Variants in BMP6 observed in about 807,000 individuals in gnomAD.
BMP6 encodes VG-1-R.
A neutral mutation model predicts 54.1 loss-of-function variants in BMP6; 17 were observed. The observed-to-expected ratio is 0.31, with a 90% CI of 0.22 to 0.47. The LOEUF is 0.47. BMP6 is among the 20% of genes least tolerant of loss of function. The pLI is 1.00. For synonymous variants in BMP6, 328 were observed against 291.2 expected, an observed-to-expected ratio of 1.13 and a Z score of -1.28; for missense variants, 720 against 690.4, an observed-to-expected ratio of 1.04 and a Z score of -0.48.
intron 1 of BMP6, among the ~76,000 whole-genome samples, chr6:7,784,466 C>T (rs1280183516): frequency 2.0e-5 from 3 of 151,924 alleles, no homozygotes; most frequent in Non-Finnish European, 4.4e-5. Context: ...AGTGTGTGTT[C>T]GGATCACGTG....
chr6:7,835,587 G>A lies in BMP6; in HGVS notation c.665-9553G>A, dbSNP rs187227641. Among the ~76,000 whole-genome samples, 12 of 152,310 alleles carry A rather than the reference G, an allele frequency of 7.9e-5. No homozygotes were observed. The East Asian group carries it at 2.1e-3, about 27-fold the overall frequency. ...TTTTCTCAAGTGTGAAAAAAGGCAT[G>A]TTGTGTAGATTGATTTTTACTAAAT... is the stretch of plus-strand genomic sequence containing the variant. On this transcript the variant is annotated intron_variant, in intron 1 of 6. Coordinates refer to ENST00000283147, the MANE Select transcript of BMP6 (RefSeq NM_001718.6).
chr6:7,850,111 C>T lies in BMP6; in HGVS notation c.857+4779C>T, dbSNP rs528027742. Among the ~76,000 whole-genome samples the T allele has an allele frequency of 3.3e-5, 5 of 152,204 alleles. No homozygotes were observed. In the East Asian group the frequency reaches 7.7e-4, roughly 23 times the overall value. On this transcript the variant is annotated intron_variant, in intron 2 of 6. Coordinates refer to ENST00000283147, the MANE Select transcript of BMP6 (RefSeq NM_001718.6). ...CTTAAAATCAAGGAGGGAAATGCTGCTCTGTAGTTGGTTTCCATGTTTTTG... is the reference window on the plus strand; with the variant it reads ...CTTAAAATCAAGGAGGGAAATGCTGTTCTGTAGTTGGTTTCCATGTTTTTG...
chr6:7,838,017 C>A (rs995344244), intron 1 of BMP6, among the ~76,000 whole-genome samples: 2 of 152,100 alleles, frequency 1.3e-5, no homozygotes, highest in Non-Finnish European at 2.9e-5. Context: ...AAAGAAGGAG[C>A]TGAAAGGCTC....
At chr6:7,754,173 A>G (rs919756056) in intron 1 of BMP6, among the ~76,000 whole-genome samples, 3 of 152,088 alleles carry the variant, frequency 2.0e-5, no homozygotes, top group Non-Finnish European at 4.4e-5. Context: ...GCTGCAGTGC[A>G]GTGGTGCAAT....
chr6:7,782,083 C>G (rs888415268), intron 1 of BMP6, among the ~76,000 whole-genome samples: 3 of 151,138 alleles, frequency 2.0e-5, no homozygotes, highest in Non-Finnish European at 4.4e-5. Context: ...TGGAGAGAAG[C>G]AAATGAACTT....
At chr6:7,782,259 T>C (rs546844155) in intron 1 of BMP6, among the ~76,000 whole-genome samples, 1 of 142,762 alleles carries the variant, frequency 7.0e-6, no homozygotes, top group East Asian at 1.9e-4. Context: ...CCACACCAGA[T>C]TGGTGGAGGG....
chr6:7,860,915 C>T (rs1759322592), intron 2 of BMP6, among the ~76,000 whole-genome samples: 1 of 152,072 alleles, frequency 6.6e-6, no homozygotes, highest in Non-Finnish European at 1.5e-5. Context: ...TTTATCTTTT[C>T]TCAATCCTGT....
At chr6:7,878,284 T>TA (rs1397797363) in intron 4 of BMP6, among the ~76,000 whole-genome samples, 1 of 152,238 alleles carries the variant, frequency 6.6e-6, no homozygotes, top group African/African-American at 2.4e-5. Context: ...ATGTCTGACT[T>TA]ACCGTCTATT....
chr6:7,826,630 T>C (rs1369096298), intron 1 of BMP6, among the ~76,000 whole-genome samples: 1 of 152,232 alleles, frequency 6.6e-6, no homozygotes, highest in Non-Finnish European at 1.5e-5. Flanking sequence ...AAAGGTGGTT[T>C]GAACAATCAC....
intron 1 of BMP6, among the ~76,000 whole-genome samples, chr6:7,782,809 A>G (rs758142433): frequency 1.3e-5 from 2 of 152,208 alleles, no homozygotes; most frequent in Non-Finnish European, 2.9e-5. Flanking sequence ...AGAAACTAAA[A>G]GGGAGCAGCC....
chr6:7,790,129 G>GC (rs1758073707), intron 1 of BMP6, among the ~76,000 whole-genome samples: 1 of 152,030 alleles, frequency 6.6e-6, no homozygotes, highest in South Asian at 2.1e-4. Context: ...AGCAATACAT[G>GC]CCCCCTGCTC....
intron 1 of BMP6, among the ~76,000 whole-genome samples, chr6:7,805,651 G>A (rs1194145670): frequency 6.6e-6 from 1 of 152,144 alleles, no homozygotes; most frequent in African/African-American, 2.4e-5. Flanking sequence ...ATCAACTAGC[G>A]CCTATTTCAT....
intron 2 of BMP6, among the ~76,000 whole-genome samples, chr6:7,859,654 G>A (rs570145559): frequency 1.1e-3 from 171 of 151,958 alleles, no homozygotes; most frequent in African/African-American, 4.0e-3. Context: ...GTCTCTGCTT[G>A]CTGTTTTCCA....
chr6:7,815,496 A>C (rs1397876195), intron 1 of BMP6, among the ~76,000 whole-genome samples: 1 of 152,186 alleles, frequency 6.6e-6, no homozygotes, highest in Non-Finnish European at 1.5e-5. Context: ...GCACATAATA[A>C]ATGTTTAATA....
At chr6:7,819,246 C>T (rs1352402031) in intron 1 of BMP6, among the ~76,000 whole-genome samples, 1 of 152,142 alleles carries the variant, frequency 6.6e-6, no homozygotes, top group East Asian at 1.9e-4. Context: ...CCTAGTCTTA[C>T]CAGTCTGTCC....
chr6:7,827,596 C>T (rs1758719840), intron 1 of BMP6, among the ~76,000 whole-genome samples: 1 of 152,186 alleles, frequency 6.6e-6, no homozygotes, highest in Non-Finnish European at 1.5e-5. Flanking sequence ...CCGTGTTAGA[C>T]ATGGAAATTA....
intron 1 of BMP6, among the ~76,000 whole-genome samples, chr6:7,810,275 A>G (rs1028442003): frequency 1.6e-4 from 25 of 152,240 alleles, no homozygotes; most frequent in African/African-American, 5.8e-4. Context: ...TCAAAGTTTA[A>G]GAAAACAGCT....
chr6:7,782,926 A>C (rs1264257887), intron 1 of BMP6, among the ~76,000 whole-genome samples: 1 of 152,132 alleles, frequency 6.6e-6, no homozygotes, highest in Non-Finnish European at 1.5e-5. Flanking sequence ...TGAGATCCTA[A>C]AATATGAGAA....
At chr6:7,865,303 A>G (rs1430046237) in intron 4 of BMP6, among the ~76,000 whole-genome samples, 5 of 152,140 alleles carry the variant, frequency 3.3e-5, no homozygotes. Context: ...CAGTACTTCC[A>G]AATTTGCTTT....
Sources: allele counts gnomAD v4.1 joint callset (sites outside exome capture counted in the v4.1 genomes callset), GRCh38; gene constraint gnomAD v4.1.1; transcripts MANE v1.5; gene names NCBI Gene and HGNC (gene_info 2026-07-23, HGNC 2026-07-21).